Variants in EPHA7 observed in about 807,000 individuals in gnomAD.
EPHA7 encodes EPH receptor A7.
In EPHA7, 25 loss-of-function variants were observed where a neutral mutation model predicts 112.6. That is an observed-to-expected ratio of 0.22 (90% CI 0.16 to 0.31). The LOEUF is 0.31. Among genes scored for constraint, EPHA7 ranks in the 10% least tolerant of loss-of-function variants. EPHA7 has a pLI of 1.00. For missense variants in EPHA7, 962 were observed against 1,212.6 expected (o/e 0.79, Z 3.07); for synonymous variants, 437 against 406.5 (o/e 1.07, Z -0.90).
intron 5 of EPHA7, among the ~76,000 whole-genome samples, chr6:93,302,523 A>C (rs345716): frequency 0.084 from 12,797 of 152,124 alleles, 766 homozygotes; most frequent in African/African-American, 0.17. Context: ...TGGTACCTGG[A>C]CTGTTAGAAT....
At chr6:93,418,963 C>G (rs968834656) in intron 1 of EPHA7, among the ~76,000 whole-genome samples, 4 of 152,204 alleles carry the variant, frequency 2.6e-5, no homozygotes, top group African/African-American at 9.6e-5. Context: ...AACCCCACCC[C>G]ACCCCCGTTG....
chr6:93,300,906 C>A (rs1237789737), intron 5 of EPHA7, among the ~76,000 whole-genome samples: 2 of 152,152 alleles, frequency 1.3e-5, no homozygotes, highest in African/African-American at 4.8e-5. Flanking sequence ...CACACCTAGG[C>A]TATGAGGCCT....
chr6:93,301,838 A>G (rs893386424), intron 5 of EPHA7, among the ~76,000 whole-genome samples: 2 of 152,180 alleles, frequency 1.3e-5, no homozygotes, highest in African/African-American at 4.8e-5. Context: ...CTCCCAAGTC[A>G]TTGCTCGACA....
intron 11 of EPHA7, among the ~76,000 whole-genome samples, 153 bp from the exon 12 acceptor site, chr6:93,257,676 G>C (rs1421201574): frequency 6.6e-6 from 1 of 151,998 alleles, no homozygotes. Context: ...AGCTCAAAAA[G>C]TCATTATATG....
chr6:93,407,487 T>C (rs746074261), intron 3 of EPHA7, among the ~76,000 whole-genome samples: 5 of 151,980 alleles, frequency 3.3e-5, no homozygotes, highest in African/African-American at 4.8e-5. Context: ...CATAGTTCCA[T>C]GGTTAAGTAG....
At chr6:93,387,541 T>C (rs1415004918) in intron 3 of EPHA7, among the ~76,000 whole-genome samples, 2 of 152,128 alleles carry the variant, frequency 1.3e-5, no homozygotes, top group African/African-American at 2.4e-5. Flanking sequence ...CACTACCTGA[T>C]ACCAACTGAC....
chr6:93,256,957 T>C (rs1770467400), intron 12 of EPHA7, among the ~76,000 whole-genome samples: 1 of 152,162 alleles, frequency 6.6e-6, no homozygotes, highest in South Asian at 2.1e-4. Context: ...TCTATGTTTA[T>C]ATATTCTGGA....
chr6:93,365,770 T>C (rs549505706), intron 3 of EPHA7, among the ~76,000 whole-genome samples: 31 of 152,282 alleles, frequency 2.0e-4, no homozygotes, highest in Admixed American at 6.5e-4. Flanking sequence ...GCATGCAGAA[T>C]ATAAAGTTTT....
intron 15 of EPHA7, among the ~76,000 whole-genome samples, chr6:93,246,189 T>C (rs981026851): frequency 2.4e-4 from 36 of 151,856 alleles, no homozygotes; most frequent in Non-Finnish European, 4.6e-4. Context: ...GTAGCTGAGA[T>C]TACAGGCGCC....
intron 14 of EPHA7, among the ~76,000 whole-genome samples, chr6:93,248,482 G>T (rs1378299138): frequency 6.6e-6 from 1 of 151,854 alleles, no homozygotes; most frequent in Non-Finnish European, 1.5e-5. Context: ...TAATCACTAG[G>T]TTGTATTTCT....
chr6:93,303,549 C>T (rs764209839), intron 5 of EPHA7, among the ~76,000 whole-genome samples: 2 of 152,146 alleles, frequency 1.3e-5, no homozygotes, highest in African/African-American at 2.4e-5. Flanking sequence ...ATCTAGCATA[C>T]ATATTACCTT....
rs975808999 is a variant in EPHA7, at chr6:93,241,485, T to C, written c.*1941A>G. The C allele has an allele frequency of 2.3e-5, 5 of 215,346 alleles. No individual in the cohort carries two copies. Among genetic ancestry groups the C allele is most frequent in the Non-Finnish European group, 4.7e-5 (5 of 106,552 alleles). The allele number at this position is 215,346 out of a possible 1,614,324, so 13.3% of individuals were successfully genotyped here. A position where few individuals can be genotyped will look rare whatever the true frequency, so the allele number is the denominator to read the frequency against. On this transcript the variant is annotated 3_prime_UTR_variant, in exon 17 of 17. Transcript: ENST00000369303. The stretch of plus-strand genomic sequence containing the variant: ...TTACAAATGGAAGTGTCTAGGTGAC[T>C]GTATTATGCTAATTAAAATTATTTT...
intron 3 of EPHA7, among the ~76,000 whole-genome samples, chr6:93,395,968 CT>C (rs1778152457): frequency 6.6e-6 from 1 of 151,800 alleles, no homozygotes; most frequent in African/African-American, 2.4e-5. Flanking sequence ...GATTCTCTAC[CT>C]TTTTAAATAC....
At chr6:93,249,589 C>T (rs1340970231) in intron 14 of EPHA7, among the ~76,000 whole-genome samples, 1 of 152,052 alleles carries the variant, frequency 6.6e-6, no homozygotes, top group Non-Finnish European at 1.5e-5. Flanking sequence ...CACATACAGT[C>T]TATTTCTGAT....
chr6:93,324,462 G>A (rs899709251), intron 5 of EPHA7, among the ~76,000 whole-genome samples: 1 of 151,260 alleles, frequency 6.6e-6, no homozygotes, highest in Non-Finnish European at 1.5e-5. Context: ...GCAGATGAAA[G>A]GCATGAAATA....
At chr6:93,403,060 G>C (rs1286964772) in intron 3 of EPHA7, among the ~76,000 whole-genome samples, 1 of 151,974 alleles carries the variant, frequency 6.6e-6, no homozygotes, top group Non-Finnish European at 1.5e-5. Context: ...AGACAGTCTT[G>C]TTTATGTTTG....
chr6:93,313,529 G>T (rs1182569608), intron 5 of EPHA7, among the ~76,000 whole-genome samples: 1 of 151,564 alleles, frequency 6.6e-6, no homozygotes, highest in African/African-American at 2.4e-5. Context: ...CATTCATATA[G>T]CAAAATATCC....
At chr6:93,387,924 CA>C in intron 3 of EPHA7, among the ~76,000 whole-genome samples, 2 of 145,682 alleles carry the variant, frequency 1.4e-5, no homozygotes, top group Middle Eastern at 7.0e-3. Flanking sequence ...GATAGATAGA[CA>C]GATAGATAGA....
At chr6:93,399,434 A>G (rs1562156813) in intron 3 of EPHA7, among the ~76,000 whole-genome samples, 1 of 152,104 alleles carries the variant, frequency 6.6e-6, no homozygotes, top group Non-Finnish European at 1.5e-5. Flanking sequence ...GATTTTATTG[A>G]AGTAGCTTTA....
Sources: gnomAD v4.1 joint callset for allele counts (sites outside exome capture counted in the v4.1 genomes callset) on GRCh38, gnomAD v4.1.1 for gene constraint, MANE v1.5 for transcripts, NCBI Gene and HGNC (gene_info 2026-07-23, HGNC 2026-07-21) for gene names.